Variants in KCNIP4 observed in about 807,000 individuals in gnomAD.
KCNIP4 encodes the protein potassium voltage-gated channel interacting protein 4, also known as Kv channel-interacting protein 4.
KCNIP4 carries 12 observed loss-of-function variants against 34.0 expected under a neutral mutation model. The ratio of observed to expected loss-of-function variants is 0.35; its 90% CI spans 0.23 to 0.57. The LOEUF is 0.57. KCNIP4 is among the 20% of genes least tolerant of loss of function. The pLI is 0.83. For synonymous variants in KCNIP4, 124 were observed against 102.2 expected, an observed-to-expected ratio of 1.21 and a Z score of -1.29; for missense variants, 238 against 311.7, an observed-to-expected ratio of 0.76 and a Z score of 1.78.
At chr4:21,190,699 T>A (rs965271683) in intron 1 of KCNIP4, among the ~76,000 whole-genome samples, 2 of 152,218 alleles carry the variant, frequency 1.3e-5, no homozygotes, top group East Asian at 3.9e-4. Context: ...TGTACTTTAT[T>A]TGCCATCTCT....
At chr4:21,121,200 A>C (rs1750128833) in intron 1 of KCNIP4, among the ~76,000 whole-genome samples, 1 of 152,190 alleles carries the variant, frequency 6.6e-6, no homozygotes, top group Non-Finnish European at 1.5e-5. Context: ...TGACTCCTAC[A>C]TGAAATCAGC....
chr4:21,478,437 T>G (rs1027502966), intron 1 of KCNIP4, among the ~76,000 whole-genome samples: 2 of 152,154 alleles, frequency 1.3e-5, no homozygotes, highest in East Asian at 3.9e-4. Context: ...TAAGGTTCTT[T>G]TTAATGGGGT....
At chr4:21,813,875 T>C (rs1721811549) in intron 1 of KCNIP4, among the ~76,000 whole-genome samples, 1 of 152,168 alleles carries the variant, frequency 6.6e-6, no homozygotes, top group African/African-American at 2.4e-5. Context: ...CAATCACTTT[T>C]GCCAGTTTCT....
intron 1 of KCNIP4, among the ~76,000 whole-genome samples, chr4:21,523,191 T>G (rs77538105): frequency 6.6e-6 from 1 of 152,144 alleles, no homozygotes; most frequent in Admixed American, 6.6e-5. Context: ...AGTAATTTTC[T>G]GTTATTTATA....
At chr4:21,482,562 C>G (rs13101628) in intron 1 of KCNIP4, among the ~76,000 whole-genome samples, 18,999 of 152,116 alleles carry the variant, frequency 0.12, 1,352 homozygotes, top group South Asian at 0.21. Context: ...ATTTCTCCTT[C>G]ACTTATGAAG....
At chr4:21,529,271 T>C (rs1324575745) in intron 1 of KCNIP4, among the ~76,000 whole-genome samples, 3 of 152,140 alleles carry the variant, frequency 2.0e-5, no homozygotes, top group Non-Finnish European at 4.4e-5. Flanking sequence ...GAAATGATAA[T>C]ACAAACTGTG....
intron 1 of KCNIP4, among the ~76,000 whole-genome samples, chr4:21,622,344 G>A (rs1433370444): frequency 1.3e-5 from 2 of 152,140 alleles, no homozygotes; most frequent in Non-Finnish European, 2.9e-5. Flanking sequence ...TGTATAATCA[G>A]TTTTTCCATG....
chr4:21,298,294 C>T (rs1763958611), intron 1 of KCNIP4, among the ~76,000 whole-genome samples: 1 of 152,004 alleles, frequency 6.6e-6, no homozygotes, highest in Non-Finnish European at 1.5e-5. Context: ...CTGTTGATGA[C>T]CATCTTCATC....
At chr4:20,880,466 T>C (rs1299729755) in intron 2 of KCNIP4, among the ~76,000 whole-genome samples, 1 of 152,178 alleles carries the variant, frequency 6.6e-6, no homozygotes, top group Admixed American at 6.5e-5. Flanking sequence ...TGATCATTTT[T>C]TTAGTATTTT....
chr4:21,489,446 G>C (rs1560455115), intron 1 of KCNIP4, among the ~76,000 whole-genome samples: 7 of 151,890 alleles, frequency 4.6e-5, no homozygotes, highest in Non-Finnish European at 1.5e-5. Context: ...TGCAATCATA[G>C]GTAATTCAGT....
At chr4:21,172,554 T>C (rs1754089708) in intron 1 of KCNIP4, among the ~76,000 whole-genome samples, 2 of 152,330 alleles carry the variant, frequency 1.3e-5, no homozygotes, top group African/African-American at 4.8e-5. Flanking sequence ...AGATGTAATG[T>C]CCCTAAGGAA....
intron 1 of KCNIP4, among the ~76,000 whole-genome samples, chr4:21,364,207 C>T (rs972805633): frequency 9.2e-5 from 14 of 152,166 alleles, no homozygotes; most frequent in African/African-American, 3.4e-4. Context: ...ATATTATTTT[C>T]TTTTTTGAAA....
At chr4:21,824,496 C>G (rs189687743) in intron 1 of KCNIP4, among the ~76,000 whole-genome samples, 1 of 152,226 alleles carries the variant, frequency 6.6e-6, no homozygotes, top group Admixed American at 6.5e-5. Flanking sequence ...AGTAATCTGG[C>G]TCAACCAATT....
chr4:21,340,115 G>A (rs971576479), intron 1 of KCNIP4, among the ~76,000 whole-genome samples: 1 of 152,028 alleles, frequency 6.6e-6, no homozygotes, highest in African/African-American at 2.4e-5. Flanking sequence ...TCTTACTAAC[G>A]AATGAAAAGG....
intron 1 of KCNIP4, among the ~76,000 whole-genome samples, chr4:21,548,742 T>A (rs1451735257): frequency 6.6e-6 from 1 of 152,090 alleles, no homozygotes; most frequent in Non-Finnish European, 1.5e-5. Flanking sequence ...TATGAATGCA[T>A]AAATCTTACA....
intron 1 of KCNIP4, among the ~76,000 whole-genome samples, chr4:21,100,592 C>T (rs906612400): frequency 2.0e-5 from 3 of 152,012 alleles, no homozygotes; most frequent in Non-Finnish European, 4.4e-5. Context: ...CACAGCCACA[C>T]AACCTTCAGC....
At chr4:21,550,471 C>G (rs1738489738) in intron 1 of KCNIP4, among the ~76,000 whole-genome samples, 1 of 152,028 alleles carries the variant, frequency 6.6e-6, no homozygotes, top group African/African-American at 2.4e-5. Context: ...GAAAATTTCT[C>G]TTTAGTACTT....
At chr4:21,003,060 A>T (rs193135676) in intron 1 of KCNIP4, among the ~76,000 whole-genome samples, 1 of 152,230 alleles carries the variant, frequency 6.6e-6, no homozygotes, top group Non-Finnish European at 1.5e-5. Flanking sequence ...ACATCATGGG[A>T]GGGCCTCCTG....
intron 1 of KCNIP4, among the ~76,000 whole-genome samples, chr4:21,514,868 G>T (rs1734628780): frequency 6.6e-6 from 1 of 152,134 alleles, no homozygotes; most frequent in African/African-American, 2.4e-5. Flanking sequence ...TTCATCTTCT[G>T]GGGGAGATGT....
Sources: allele counts gnomAD v4.1 joint callset (sites outside exome capture counted in the v4.1 genomes callset), GRCh38; gene constraint gnomAD v4.1.1; transcripts MANE v1.5; gene names NCBI Gene and HGNC (gene_info 2026-07-23, HGNC 2026-07-21).